SV2C: variants seen among roughly 807,000 people sequenced by gnomAD.
The protein encoded by SV2C is synaptic vesicle glycoprotein 2C, also known as solute carrier family 22 member B3.
SV2C carries 49 observed loss-of-function variants against 79.7 expected under a neutral mutation model. The ratio of observed to expected loss-of-function variants is 0.61; its 90% CI spans 0.49 to 0.78. The LOEUF is 0.78. SV2C is among the 30% of genes least tolerant of loss of function. The pLI is 0.00. For synonymous variants in SV2C, 334 were observed against 333.2 expected (o/e 1.00, Z -0.03); for missense variants, 833 against 912.9 (o/e 0.91, Z 1.13).
the SV2C span, among the ~76,000 whole-genome samples, chr5:75,988,506 T>C: frequency 6.6e-6 from 1 of 152,030 alleles, no homozygotes; most frequent in African/African-American, 2.4e-5. Flanking sequence ...TTGAAGTCAA[T>C]GAAAGCAAAA....
chr5:76,047,766 C>CTTTTTTTTTTTTTTT, the SV2C span, among the ~76,000 whole-genome samples: 2 of 129,268 alleles, frequency 1.5e-5, no homozygotes, highest in African/African-American at 2.9e-5. Flanking sequence ...TTTTTCTTTT[C>CTTTTTTTTTTTTTTT]TTTTTTTTTT....
At chr5:76,124,814 C>A (rs548645118) in intron 1 of SV2C, among the ~76,000 whole-genome samples, 1 of 152,196 alleles carries the variant, frequency 6.6e-6, no homozygotes, top group Admixed American at 6.5e-5. Flanking sequence ...AGTAGCCATC[C>A]AAATTGGTAT....
At chr5:75,953,596 G>A in the SV2C span, among the ~76,000 whole-genome samples, 8 of 151,790 alleles carry the variant, frequency 5.3e-5, no homozygotes, top group Non-Finnish European at 1.0e-4. Flanking sequence ...TACTTTATCC[G>A]GAAACCCAGA....
intron 4 of SV2C, among the ~76,000 whole-genome samples, chr5:76,229,935 C>T (rs1421542591): frequency 6.6e-6 from 1 of 152,202 alleles, no homozygotes; most frequent in South Asian, 2.1e-4. Flanking sequence ...ACCAATCAAG[C>T]ATACCCCCAT....
At chr5:75,966,711 A>T in the SV2C span, among the ~76,000 whole-genome samples, 2 of 152,192 alleles carry the variant, frequency 1.3e-5, no homozygotes, top group Non-Finnish European at 2.9e-5. Context: ...TTCTGCAAGG[A>T]GCAATCACTC....
the SV2C span, among the ~76,000 whole-genome samples, chr5:75,861,363 C>G: frequency 6.6e-6 from 1 of 152,206 alleles, no homozygotes; most frequent in Non-Finnish European, 1.5e-5. Context: ...AATGCTGATA[C>G]ACTGTTGATG....
At chr5:76,062,608 G>C in the SV2C span, among the ~76,000 whole-genome samples, 1 of 151,330 alleles carries the variant, frequency 6.6e-6, no homozygotes, top group African/African-American at 2.4e-5. Context: ...TCGATATCAG[G>C]GTTTGGTTGT....
the SV2C span, among the ~76,000 whole-genome samples, chr5:75,902,170 GTCT>G: frequency 3.3e-5 from 5 of 152,072 alleles, no homozygotes; most frequent in African/African-American, 9.7e-5. Flanking sequence ...GAAATCACCC[GTCT>G]TCTTTGTCGC....
intron 4 of SV2C, among the ~76,000 whole-genome samples, chr5:76,249,077 T>A (rs1215726254): frequency 6.6e-6 from 1 of 152,156 alleles, no homozygotes; most frequent in Non-Finnish European, 1.5e-5. Context: ...AATATTTATA[T>A]CCTTAATAAA....
At chr5:75,935,194 G>A in the SV2C span, among the ~76,000 whole-genome samples, 7 of 152,104 alleles carry the variant, frequency 4.6e-5, no homozygotes, top group South Asian at 4.2e-4. Context: ...AATTCACTAC[G>A]TGCTTGCTCT....
the SV2C span, among the ~76,000 whole-genome samples, chr5:75,953,787 A>C: frequency 6.6e-6 from 1 of 151,868 alleles, no homozygotes; most frequent in East Asian, 1.9e-4. Context: ...CTTTTTCATG[A>C]AATTAAGCTT....
chr5:76,221,079 A>G (rs934983852), intron 4 of SV2C, among the ~76,000 whole-genome samples: 6 of 152,210 alleles, frequency 3.9e-5, no homozygotes, highest in Non-Finnish European at 8.8e-5. Context: ...TACTCTGGAA[A>G]ATCTTTTAGG....
At chr5:76,112,343 G>C (rs1748120686) in intron 1 of SV2C, among the ~76,000 whole-genome samples, 1 of 152,206 alleles carries the variant, frequency 6.6e-6, no homozygotes, top group South Asian at 2.1e-4. Context: ...AAGTGCAGGA[G>C]GGAGGCCAGC....
intron 4 of SV2C, among the ~76,000 whole-genome samples, chr5:76,264,760 C>A (rs1347018553): frequency 1.3e-5 from 2 of 152,198 alleles, no homozygotes; most frequent in Non-Finnish European, 2.9e-5. Context: ...GTATTACCAG[C>A]AGAGGCTACA....
rs141628437 is a variant in SV2C, at chr5:76,277,509, C to T, written c.914-7653C>T. ...CAGACCAAGGCTGGGCACAATGGCT[C>T]ACACCTGTAACCTCAGCATTTTGAG... On this transcript the variant is annotated intron_variant, in intron 4 of 12. Transcript: ENST00000502798. 2.8e-3 allele frequency among the ~76,000 whole-genome samples: 434 copies of T among 152,326 alleles called. 3 individuals carry two copies. Among genetic ancestry groups the T allele is most frequent in the African/African-American group, 9.9e-3 (410 of 41,568 alleles).
intron 1 of SV2C, among the ~76,000 whole-genome samples, chr5:76,089,700 G>A (rs1747307338): frequency 6.6e-6 from 1 of 152,116 alleles, no homozygotes; most frequent in Non-Finnish European, 1.5e-5. Context: ...ATTATTTCTT[G>A]ATTTTTTAAT....
chr5:76,340,034 G>A (rs1749410468), intron 12 of SV2C, among the ~76,000 whole-genome samples: 1 of 152,166 alleles, frequency 6.6e-6, no homozygotes, highest in Non-Finnish European at 1.5e-5. Context: ...AAACCGAGAT[G>A]GTGAGGAAAG....
chr5:75,934,081 A>G, the SV2C span, among the ~76,000 whole-genome samples: 1 of 152,166 alleles, frequency 6.6e-6, no homozygotes, highest in Non-Finnish European at 1.5e-5. Context: ...AGAATTTACT[A>G]CTACCATCTC....
chr5:76,247,889 C>T (rs1193040756), intron 4 of SV2C, among the ~76,000 whole-genome samples: 1 of 152,108 alleles, frequency 6.6e-6, no homozygotes, highest in African/African-American at 2.4e-5. Context: ...AATAATAAGG[C>T]ATGCAAAAGT....
Sources: gnomAD v4.1 joint callset for allele counts (sites outside exome capture counted in the v4.1 genomes callset) on GRCh38, gnomAD v4.1.1 for gene constraint, MANE v1.5 for transcripts, NCBI Gene and HGNC (gene_info 2026-07-23, HGNC 2026-07-21) for gene names.